Variants in RABGAP1L observed in about 807,000 individuals in gnomAD.
The protein encoded by RABGAP1L is rab GTPase-activating protein 1-like.
In RABGAP1L, 63 loss-of-function variants were observed where a neutral mutation model predicts 137.7. The observed-to-expected ratio is 0.46, with a 90% CI of 0.37 to 0.56. RABGAP1L has a LOEUF of 0.56. RABGAP1L is among the 20% of genes least tolerant of loss of function. The pLI is 0.00. For missense variants in RABGAP1L, 1,095 were observed against 1,244.0 expected, an observed-to-expected ratio of 0.88 and a Z score of 1.80; for synonymous variants, 431 against 433.7, an observed-to-expected ratio of 0.99 and a Z score of 0.08.
At chr1:174,489,409 C>T (rs1229807391) in intron 13 of RABGAP1L, among the ~76,000 whole-genome samples, 1 of 152,086 alleles carries the variant, frequency 6.6e-6, no homozygotes, top group Non-Finnish European at 1.5e-5. Flanking sequence ...ATTTATGCAG[C>T]CAACAGACAT....
intron 1 of RABGAP1L, among the ~76,000 whole-genome samples, chr1:174,202,700 T>G (rs539373642): frequency 1.2e-4 from 19 of 152,292 alleles, no homozygotes; most frequent in African/African-American, 3.6e-4. Flanking sequence ...CATTGCTTTC[T>G]GTGTTTTAGA....
chr1:174,580,281 G>GTA (rs1668638526), intron 13 of RABGAP1L, among the ~76,000 whole-genome samples: 1 of 152,118 alleles, frequency 6.6e-6, no homozygotes, highest in Non-Finnish European at 1.5e-5. Flanking sequence ...CCATTACTGG[G>GTA]TATATGCCCA....
chr1:174,330,995 G>T (rs1431729011), intron 11 of RABGAP1L, among the ~76,000 whole-genome samples: 2 of 152,140 alleles, frequency 1.3e-5, no homozygotes, highest in African/African-American at 2.4e-5. Flanking sequence ...TAGACGCATA[G>T]ACCTATGGAA....
chr1:174,743,871 A>C (rs972309431), intron 17 of RABGAP1L, among the ~76,000 whole-genome samples: 17 of 151,946 alleles, frequency 1.1e-4, no homozygotes, highest in Non-Finnish European at 1.8e-4. Flanking sequence ...ACTCTTTCTC[A>C]TTCACTAGTC....
chr1:174,302,894 C>T (rs547637360), intron 10 of RABGAP1L, among the ~76,000 whole-genome samples: 2 of 152,146 alleles, frequency 1.3e-5, no homozygotes, highest in African/African-American at 2.4e-5. Flanking sequence ...TGGTTTAAAC[C>T]TACTTAAATC....
chr1:174,624,252 T>G (rs929852805), intron 13 of RABGAP1L, among the ~76,000 whole-genome samples: 2 of 152,216 alleles, frequency 1.3e-5, no homozygotes, highest in African/African-American at 4.8e-5. Context: ...CCCCATCTCC[T>G]GTGGAAGGCC....
Position 174,198,840 on chromosome 1 carries a change from G to A in RABGAP1L, c.-33-20285G>A, listed in dbSNP as rs534814927. On this transcript the variant is annotated intron_variant, in intron 1 of 25. Coordinates refer to ENST00000681986, the MANE Select transcript of RABGAP1L (RefSeq NM_001366446.1). The stretch of plus-strand genomic sequence containing the variant: ...GATGAGGGCCAGGGCCGGGCATGGT[G>A]GCTCACGCCTATAATCCCAGTACTT... Among the ~76,000 whole-genome samples, 5 of 152,364 alleles carry A rather than the reference G, an allele frequency of 3.3e-5. No homozygotes were observed. The South Asian group carries it at 1.0e-3, about 32-fold the overall frequency.
intron 13 of RABGAP1L, among the ~76,000 whole-genome samples, chr1:174,429,233 C>T (rs1652309933): frequency 6.6e-6 from 1 of 152,142 alleles, no homozygotes; most frequent in South Asian, 2.1e-4. Flanking sequence ...ATAATAGTGG[C>T]CATCACTAGT....
rs1433277881 is a variant in RABGAP1L, at chr1:174,383,558, TG to T, written c.1560-10436del. ...GGTGGGAGTGACCCGATTTTCCAGG[TG>T]CGTCCGTCACCGCTTTCTTTGACTG... On this transcript the variant is annotated intron_variant, in intron 12 of 25. Coordinates refer to ENST00000681986, the MANE Select transcript of RABGAP1L (RefSeq NM_001366446.1). Among the ~76,000 whole-genome samples, 4 of 152,170 alleles carry T rather than the reference TG, an allele frequency of 2.6e-5. No homozygotes were observed. The East Asian group carries it at 7.7e-4, about 29-fold the overall frequency.
intron 13 of RABGAP1L, among the ~76,000 whole-genome samples, chr1:174,509,964 C>T (rs1301351225): frequency 1.3e-5 from 2 of 152,198 alleles, no homozygotes; most frequent in African/African-American, 4.8e-5. Context: ...TTGAGGCCCA[C>T]ATGTCCTCTT....
intron 13 of RABGAP1L, among the ~76,000 whole-genome samples, chr1:174,443,407 A>G (rs1245340600): frequency 6.6e-6 from 1 of 152,066 alleles, no homozygotes; most frequent in African/African-American, 2.4e-5. Context: ...TTTTGGTAAT[A>G]GCCATATTAA....
chr1:174,547,916 C>A, intron 13 of RABGAP1L: 1 of 1,550,158 alleles, frequency 6.5e-7, no homozygotes, highest in Non-Finnish European at 8.7e-7. Context: ...GTCTCCATGA[C>A]ACCCTGTAAC....
At position 174,193,753 on chromosome 1, in the gene RABGAP1L, G is replaced by A. The variant is rs529694519; in HGVS notation, c.-33-25372G>A. On this transcript the variant is annotated intron_variant, in intron 1 of 25. Transcript: ENST00000681986. ...TTCTTCATGTGTTTTGGGGAAGGGAGTATTAATAGGGGTCAACTGTACATT... is the reference window on the plus strand; with the variant it reads ...TTCTTCATGTGTTTTGGGGAAGGGAATATTAATAGGGGTCAACTGTACATT... Among the ~76,000 whole-genome samples, 5 of 152,256 alleles carry A rather than the reference G, an allele frequency of 3.3e-5. No individual in the cohort carries two copies. In the South Asian group the frequency reaches 1.0e-3, roughly 32 times the overall value.
intron 12 of RABGAP1L, among the ~76,000 whole-genome samples, chr1:174,374,755 T>C (rs17301125): frequency 0.12 from 17,881 of 152,230 alleles, 1,388 homozygotes; most frequent in South Asian, 0.17. Context: ...TTAGGTTCCA[T>C]TTTTCCAGTG....
intron 14 of RABGAP1L, among the ~76,000 whole-genome samples, chr1:174,676,263 A>C (rs938195474): frequency 3.3e-5 from 5 of 152,070 alleles, no homozygotes; most frequent in African/African-American, 1.2e-4. Context: ...AGATTTGCTG[A>C]GTGTAGTTGA....
chr1:174,800,573 A>G, intron 18 of RABGAP1L: 1 of 1,503,766 alleles, frequency 6.6e-7, no homozygotes, highest in South Asian at 1.3e-5. Flanking sequence ...TGTATCTCTG[A>G]AAGAGGCTTG....
chr1:174,510,758 C>A (rs1339116032), intron 13 of RABGAP1L, among the ~76,000 whole-genome samples: 1 of 152,102 alleles, frequency 6.6e-6, no homozygotes, highest in Non-Finnish European at 1.5e-5. Context: ...TTAAATGGAA[C>A]AACAATACTA....
chr1:174,507,428 T>TA (rs1398126746), intron 13 of RABGAP1L, among the ~76,000 whole-genome samples: 2 of 152,068 alleles, frequency 1.3e-5, no homozygotes, highest in African/African-American at 4.8e-5. Context: ...AAACATATGT[T>TA]AAAAAAATAC....
chr1:174,299,929 A>G (rs1677509336), intron 10 of RABGAP1L, among the ~76,000 whole-genome samples: 1 of 152,206 alleles, frequency 6.6e-6, no homozygotes, highest in Non-Finnish European at 1.5e-5. Context: ...AAATAAGACA[A>G]CAATTGTCTG....
Sources: gnomAD v4.1 joint callset for allele counts (sites outside exome capture counted in the v4.1 genomes callset) on GRCh38, gnomAD v4.1.1 for gene constraint, MANE v1.5 for transcripts, NCBI Gene and HGNC (gene_info 2026-07-23, HGNC 2026-07-21) for gene names.